The following DGKB variants were observed in gnomAD, a reference collection of about 807,000 sequenced individuals.
DGKB encodes the protein diacylglycerol kinase beta.
Under a neutral mutation model 114.3 loss-of-function variants are expected in DGKB, and 67 were observed. The ratio of observed to expected loss-of-function variants is 0.59; its 90% CI spans 0.48 to 0.72. The LOEUF is 0.72. DGKB is among the 30% of genes least tolerant of loss of function. The pLI is 0.00. For synonymous variants in DGKB, 398 were observed against 323.1 expected (o/e 1.23, Z -2.49); for missense variants, 907 against 975.2 (o/e 0.93, Z 0.93).
intron 1 of DGKB, among the ~76,000 whole-genome samples, chr7:14,863,250 T>C (rs1457087863): frequency 1.3e-5 from 2 of 151,664 alleles, no homozygotes; most frequent in African/African-American, 4.8e-5. Context: ...AAATTTTGAG[T>C]ATTTTCTACC....
chr7:14,362,802 G>A (rs1262838019), intron 21 of DGKB, among the ~76,000 whole-genome samples: 1 of 152,014 alleles, frequency 6.6e-6, no homozygotes, highest in East Asian at 1.9e-4. Context: ...TTAATACAGT[G>A]GTAGACTGTT....
chr7:14,769,162 G>A (rs924159897), intron 2 of DGKB, among the ~76,000 whole-genome samples: 2 of 137,862 alleles, frequency 1.5e-5, no homozygotes, highest in South Asian at 2.4e-4. Flanking sequence ...AGGGAGGGAG[G>A]GAAGGGAAGG....
At chr7:14,283,577 C>G (rs1284550948) in intron 23 of DGKB, among the ~76,000 whole-genome samples, 1 of 147,820 alleles carries the variant, frequency 6.8e-6, no homozygotes, top group Non-Finnish European at 1.5e-5. Flanking sequence ...GCCAAAAGAA[C>G]AAAGCTGGAG....
intron 20 of DGKB, among the ~76,000 whole-genome samples, chr7:14,565,102 G>A (rs1204323543): frequency 6.6e-6 from 1 of 151,984 alleles, no homozygotes; most frequent in Non-Finnish European, 1.5e-5. Context: ...GATATTCTTT[G>A]GCTAATGACA....
chr7:14,256,338 TTTCTC>T (rs1262546335), intron 23 of DGKB, among the ~76,000 whole-genome samples: 3 of 152,048 alleles, frequency 2.0e-5, no homozygotes, highest in Non-Finnish European at 2.9e-5. Context: ...GTCATATTGA[TTTCTC>T]AGCTCATTAA....
At chr7:14,654,288 T>C (rs1443084506) in intron 13 of DGKB, among the ~76,000 whole-genome samples, 4 of 151,980 alleles carry the variant, frequency 2.6e-5, no homozygotes, top group African/African-American at 9.7e-5. Context: ...CCATTTATAA[T>C]AGCTTAAATA....
At chr7:14,287,219 T>G (rs992209618) in intron 23 of DGKB, among the ~76,000 whole-genome samples, 11 of 152,240 alleles carry the variant, frequency 7.2e-5, no homozygotes, top group African/African-American at 2.6e-4. Context: ...GTTTTGAGCA[T>G]GTTGAATATA....
Position 14,541,964 on chromosome 7 carries a change from T to C in DGKB, c.1770+32248A>G, listed in dbSNP as rs1410264242. On this transcript the variant is annotated intron_variant, in intron 20 of 25. Transcript: ENST00000402815. ...CCCAATTTCCTTACATATCATCTCATAGCATTGTGATTGTGCTAGACTCCA... is the reference window on the plus strand; with the variant it reads ...CCCAATTTCCTTACATATCATCTCACAGCATTGTGATTGTGCTAGACTCCA... 3.3e-5 allele frequency among the ~76,000 whole-genome samples: 5 copies of C among 152,170 alleles called. No individual in the cohort carries two copies. The South Asian group carries it at 8.3e-4, about 25-fold the overall frequency.
intron 23 of DGKB, among the ~76,000 whole-genome samples, chr7:14,201,272 T>TAATC (rs142129838): frequency 1.9e-4 from 29 of 151,872 alleles, no homozygotes; most frequent in African/African-American, 6.5e-4. Context: ...CCTCATAACT[T>TAATC]AATCAACTCC....
At chr7:14,200,328 T>A (rs966547014) in intron 23 of DGKB, among the ~76,000 whole-genome samples, 2 of 152,102 alleles carry the variant, frequency 1.3e-5, no homozygotes, top group East Asian at 3.9e-4. Flanking sequence ...AGTTAAAAAA[T>A]GATACCTATC....
intron 6 of DGKB, among the ~76,000 whole-genome samples, chr7:14,714,202 G>A (rs991760524): frequency 2.6e-5 from 4 of 152,012 alleles, no homozygotes; most frequent in African/African-American, 9.6e-5. Flanking sequence ...CTCAAATGTG[G>A]ACTAGACTCA....
At chr7:14,611,738 A>G (rs1187480939) in intron 16 of DGKB, among the ~76,000 whole-genome samples, 1 of 151,758 alleles carries the variant, frequency 6.6e-6, no homozygotes, top group Admixed American at 6.6e-5. Flanking sequence ...AGGGAAAATT[A>G]TTTATATGTA....
At chr7:14,562,033 G>A (rs575099998) in intron 20 of DGKB, among the ~76,000 whole-genome samples, 1 of 152,290 alleles carries the variant, frequency 6.6e-6, no homozygotes, top group East Asian at 1.9e-4. Flanking sequence ...CATGTGTGCA[G>A]CCTATAGACT....
chr7:14,453,148 C>T (rs375371049), intron 21 of DGKB, among the ~76,000 whole-genome samples: 23 of 152,108 alleles, frequency 1.5e-4, no homozygotes, highest in African/African-American at 5.3e-4. Flanking sequence ...GAGTAAGAAC[C>T]ATTATTGGGT....
At chr7:14,712,429 T>C (rs893922204) in intron 6 of DGKB, among the ~76,000 whole-genome samples, 2 of 152,058 alleles carry the variant, frequency 1.3e-5, no homozygotes, top group East Asian at 1.9e-4. Context: ...GTTATAGAAA[T>C]AGAGAAAATG....
chr7:14,520,854 A>G (rs751524084), intron 20 of DGKB, among the ~76,000 whole-genome samples: 4 of 152,042 alleles, frequency 2.6e-5, no homozygotes, highest in Non-Finnish European at 4.4e-5. Context: ...AATATTTGTC[A>G]TTTTTTAATC....
At chr7:14,343,496 C>A (rs114684646) in intron 22 of DGKB, among the ~76,000 whole-genome samples, 2 of 151,672 alleles carry the variant, frequency 1.3e-5, no homozygotes, top group South Asian at 4.1e-4. Context: ...CATTCAAAAT[C>A]TTTTGCTGTA....
intron 20 of DGKB, among the ~76,000 whole-genome samples, chr7:14,506,343 C>T (rs1377021820): frequency 6.6e-6 from 1 of 152,024 alleles, no homozygotes; most frequent in Non-Finnish European, 1.5e-5. Context: ...ATGGAAAATT[C>T]CTACAGTTAA....
intron 9 of DGKB, among the ~76,000 whole-genome samples, chr7:14,689,178 A>C (rs1262166138): frequency 6.6e-6 from 1 of 150,390 alleles, no homozygotes; most frequent in Non-Finnish European, 1.5e-5. Flanking sequence ...AAATTATGAC[A>C]ATGTGACAGA....
Sources: allele counts gnomAD v4.1 joint callset (sites outside exome capture counted in the v4.1 genomes callset), GRCh38; gene constraint gnomAD v4.1.1; transcripts MANE v1.5; gene names NCBI Gene and HGNC (gene_info 2026-07-23, HGNC 2026-07-21).